RGS17: variants seen among roughly 807,000 people sequenced by gnomAD.
The protein encoded by RGS17 is regulator of G-protein signaling 17.
In RGS17, 12 loss-of-function variants were observed where a neutral mutation model predicts 25.5. The ratio of observed to expected loss-of-function variants is 0.47; its 90% CI spans 0.30 to 0.76. RGS17 has a LOEUF of 0.76. Ranked by LOEUF, RGS17 falls within the 30% of genes least tolerant of loss-of-function variation. The pLI, the probability that RGS17 is intolerant of heterozygous loss-of-function variation, is 0.07. For missense variants in RGS17, 196 were observed against 242.2 expected (o/e 0.81, Z 1.27); for synonymous variants, 71 against 76.9 (o/e 0.92, Z 0.40).
At chr6:153,027,833 T>G (rs1779319272) in intron 2 of RGS17, among the ~76,000 whole-genome samples, 2 of 152,124 alleles carry the variant, frequency 1.3e-5, no homozygotes. Context: ...ACTATGTGAA[T>G]GCAAAGAAGG....
intron 4 of RGS17, among the ~76,000 whole-genome samples, chr6:153,015,996 G>A (rs6899801): frequency 0.027 from 4,143 of 152,214 alleles, 194 homozygotes; most frequent in African/African-American, 0.093. Flanking sequence ...ATATTTGTGC[G>A]ACTTGTTTTG....
intron 4 of RGS17, among the ~76,000 whole-genome samples, chr6:153,017,022 G>A (rs1216129051): frequency 1.3e-5 from 2 of 152,202 alleles, no homozygotes; most frequent in African/African-American, 4.8e-5. Context: ...AGTAGCACAA[G>A]ATAAGAGCTA....
At chr6:153,081,372 A>G (rs1776977653) in intron 1 of RGS17, among the ~76,000 whole-genome samples, 1 of 151,956 alleles carries the variant, frequency 6.6e-6, no homozygotes, top group African/African-American at 2.4e-5. Flanking sequence ...CAGGTCTCTG[A>G]TATTCATATG....
In RGS17 at chr6:153,089,687, T is replaced by C. The variant is rs182076168; in HGVS notation, c.-26+41437A>G. On this transcript the variant is annotated intron_variant, in intron 1 of 4. Transcript: ENST00000206262. ...GGACTTAGTTTTTCTCTGCTATCAC[T>C]GCATATTTTATAAGCTGTTAAATAA... is the stretch of plus-strand genomic sequence containing the variant. Among the ~76,000 whole-genome samples, 5 of 152,306 alleles carry C rather than the reference T, an allele frequency of 3.3e-5. No homozygotes were observed. In the East Asian group the frequency reaches 7.7e-4, roughly 24 times the overall value.
chr6:153,075,418 T>C (rs1478085135), intron 1 of RGS17, among the ~76,000 whole-genome samples: 1 of 152,202 alleles, frequency 6.6e-6, no homozygotes, highest in Non-Finnish European at 1.5e-5. Flanking sequence ...TGTGGGAGGC[T>C]GGGTGCCTCC....
At chr6:153,114,008 A>G (rs904079752) in intron 1 of RGS17, among the ~76,000 whole-genome samples, 1 of 152,202 alleles carries the variant, frequency 6.6e-6, no homozygotes, top group Non-Finnish European at 1.5e-5. Flanking sequence ...CCCTAACATC[A>G]TAATCAAAAG....
chr6:153,091,126 C>T (rs553422957), intron 1 of RGS17, among the ~76,000 whole-genome samples: 1 of 151,958 alleles, frequency 6.6e-6, no homozygotes, highest in Non-Finnish European at 1.5e-5. Context: ...ATTATATAGC[C>T]AGAAAGTTAC....
At chr6:153,055,570 T>G (rs1776542843) in intron 1 of RGS17, among the ~76,000 whole-genome samples, 1 of 152,026 alleles carries the variant, frequency 6.6e-6, no homozygotes, top group Admixed American at 6.6e-5. Flanking sequence ...TCAGATTTTT[T>G]TTTGAGCTGA....
chr6:153,006,434 T>TATCA lies in RGS17; in HGVS notation c.*5136_*5139dup, dbSNP rs1337596408. On this transcript the variant is annotated 3_prime_UTR_variant, in exon 5 of 5. Coordinates refer to ENST00000206262, the MANE Select transcript of RGS17 (RefSeq NM_012419.5). ...ATTTATCATCTATCTATCATCTATCTATCAATCATCTATCTATCTATGTCA... is the reference window on the plus strand; with the variant it reads ...ATTTATCATCTATCTATCATCTATCTATCAATCAATCATCTATCTATCTATGTCA... The TATCA allele has an allele frequency of 6.6e-6, 1 of 152,624 alleles. No individual in the cohort carries two copies. Among genetic ancestry groups the TATCA allele is most frequent in the East Asian group, 1.9e-4 (1 of 5,196 alleles). The allele number at this position is 152,624 out of a possible 1,614,324, so 9.5% of individuals were successfully genotyped here.
intron 3 of RGS17, among the ~76,000 whole-genome samples, chr6:153,025,064 C>T (rs1161129292): frequency 6.6e-6 from 1 of 151,898 alleles, no homozygotes. Context: ...AATCCCAGTG[C>T]TTTGGGAGGC....
In RGS17 at chr6:153,006,313, C is replaced by T. The variant is rs547650007; in HGVS notation, c.*5261G>A. 1 of 152,576 alleles carries T rather than the reference C, an allele frequency of 6.6e-6. No homozygotes were observed. The highest frequency in any genetic ancestry group is 2.4e-5 in the African/African-American group (1 of 41,524). The allele number at this position is 152,576 out of a possible 1,614,324, so 9.5% of individuals were successfully genotyped here. A position where few individuals can be genotyped will look rare whatever the true frequency, so the allele number is the denominator to read the frequency against. ...TTTAGCAAGTAATTTGATATTATTT[C>T]TGTCCTTGGGAATGTTGTTTTATTT... On this transcript the variant is annotated 3_prime_UTR_variant, in exon 5 of 5. Transcript: ENST00000206262.
intron 1 of RGS17, among the ~76,000 whole-genome samples, chr6:153,066,507 T>C (rs961909917): frequency 6.6e-6 from 1 of 152,068 alleles, no homozygotes; most frequent in African/African-American, 2.4e-5. Flanking sequence ...AGGCCAGTAT[T>C]ATCTTGATAC....
At position 153,130,392 on chromosome 6, in the gene RGS17, CCG is replaced by C. The variant is rs1025775326; in HGVS notation, c.-26+730_-26+731del. ...CCCCTCGGTGGCTGTGGAATCCACC[CCG>C]CGCCGCACACGCCAGGACTCCCTTT... On this transcript the variant is annotated intron_variant, in intron 1 of 4. Transcript: ENST00000206262. This position sits in a 1 kb window ranked among gnomAD's most constrained non-coding sequence, Gnocchi z 6.4. 1.3e-5 allele frequency among the ~76,000 whole-genome samples: 2 copies of C among 151,968 alleles called. No homozygotes were observed. The highest frequency in any genetic ancestry group is 3.9e-4 in the East Asian group (2 of 5,122).
rs1400679002 is a variant in RGS17 at position 153,004,883 on chromosome 6, T to C, written c.*6691A>G. On this transcript the variant is annotated 3_prime_UTR_variant, in exon 5 of 5. Coordinates refer to ENST00000206262, the MANE Select transcript of RGS17 (RefSeq NM_012419.5). ...ATTCATGCATTCAAAACTTCTTTAT[T>C]GTCCACTGATAAATATTGGTGGAGT... 6.6e-6 allele frequency: 1 copy of C among 152,218 alleles called. No individual in the cohort carries two copies. The highest frequency in any genetic ancestry group is 1.5e-5 in the Non-Finnish European group (1 of 68,016). The allele number at this position is 152,218 out of a possible 1,614,324, so 9.4% of individuals were successfully genotyped here. A position where few individuals can be genotyped will look rare whatever the true frequency, so the allele number is the denominator to read the frequency against.
chr6:153,079,370 G>A (rs573001178), intron 1 of RGS17, among the ~76,000 whole-genome samples: 12 of 152,260 alleles, frequency 7.9e-5, no homozygotes, highest in South Asian at 2.1e-4. Context: ...GAGCCGCAGC[G>A]CCTGGCCAAC....
At chr6:153,118,746 T>TC (rs11375463) in intron 1 of RGS17, among the ~76,000 whole-genome samples, 93,746 of 151,278 alleles carry the variant, frequency 0.62, 30,015 homozygotes, top group East Asian at 0.87. Flanking sequence ...CCAAGTGCTT[T>TC]TAACAATCAC....
At chr6:153,076,913 A>G (rs1275826182) in intron 1 of RGS17, among the ~76,000 whole-genome samples, 1 of 152,218 alleles carries the variant, frequency 6.6e-6, no homozygotes, top group Non-Finnish European at 1.5e-5. Flanking sequence ...AAACTGTAAC[A>G]TGAGAGACTG....
chr6:153,102,361 TC>T (rs1777318760), intron 1 of RGS17, among the ~76,000 whole-genome samples: 1 of 152,230 alleles, frequency 6.6e-6, no homozygotes, highest in Non-Finnish European at 1.5e-5. Context: ...ACAGACTAGT[TC>T]TAGAGTTGTC....
chr6:153,024,160 C>A (rs1027602396), intron 4 of RGS17, 102 bp downstream of exon 4: 1 of 712,636 alleles, frequency 1.4e-6, no homozygotes. Flanking sequence ...GTGAAATCTT[C>A]TACCCTCTCC....
Sources: gnomAD v4.1 joint callset for allele counts (sites outside exome capture counted in the v4.1 genomes callset) on GRCh38, gnomAD v4.1.1 for gene constraint, Gnocchi (gnomAD v3.1) non-coding constraint, MANE v1.5 for transcripts, NCBI Gene and HGNC (gene_info 2026-07-23, HGNC 2026-07-21) for gene names.